Variants in RAB11FIP5 observed in about 807,000 individuals in gnomAD.
RAB11FIP5 encodes the protein rab11 family-interacting protein 5.
A neutral mutation model predicts 85.1 loss-of-function variants in RAB11FIP5; 48 were observed. The ratio of observed to expected loss-of-function variants is 0.56; its 90% CI spans 0.45 to 0.72. RAB11FIP5 has a LOEUF of 0.72. Ranked by LOEUF, RAB11FIP5 falls within the 30% of genes least tolerant of loss-of-function variation. RAB11FIP5 has a pLI of 0.00. For missense variants in RAB11FIP5, 1,491 were observed against 1,687.0 expected (o/e 0.88, Z 2.04); for synonymous variants, 729 against 727.3 (o/e 1.00, Z -0.04).
chr2:73,076,413 C>T (rs1007080439), intron 4 of RAB11FIP5, among the ~76,000 whole-genome samples: 21 of 152,156 alleles, frequency 1.4e-4, no homozygotes, highest in Non-Finnish European at 2.5e-4. Flanking sequence ...CCATTTCACT[C>T]CCTCATTCAC....
At position 73,075,401 on chromosome 2, in the gene RAB11FIP5, G is replaced by A; in HGVS notation, c.*120C>T. On this transcript the variant is annotated 3_prime_UTR_variant, in exon 6 of 6. Coordinates refer to ENST00000486777, the MANE Select transcript of RAB11FIP5 (RefSeq NM_001371272.1). The surrounding 1 kb of genome is among the most constrained non-coding windows in gnomAD (Gnocchi z 4.6). ...AGCCCCAGTTGAGGCAGGAGGGAGA[G>A]GAGCAAGGAGTGACAAGGCAAGACA... The A allele has an allele frequency of 9.6e-7, 1 of 1,041,272 alleles. No individual in the cohort carries two copies. The highest frequency in any genetic ancestry group is 1.5e-6 in the Non-Finnish European group (1 of 665,596). The allele number at this position is 1,041,272 out of a possible 1,614,324, so 64.5% of individuals were successfully genotyped here.
chr2:73,085,674 A>T (rs1206279597), intron 3 of RAB11FIP5, among the ~76,000 whole-genome samples: 1 of 152,146 alleles, frequency 6.6e-6, no homozygotes, highest in Non-Finnish European at 1.5e-5. Context: ...ACATCAGAGG[A>T]ACAGCAGGAC....
intron 1 of RAB11FIP5, among the ~76,000 whole-genome samples, chr2:73,100,033 T>G (rs1452862839): frequency 1.3e-5 from 2 of 152,186 alleles, no homozygotes; most frequent in Non-Finnish European, 2.9e-5. Flanking sequence ...TGGGAGAGTC[T>G]TCTAAAAGCG....
Position 73,075,733 on chromosome 2 carries a change from G to T in RAB11FIP5, c.3772-9C>A. 6.3e-7 allele frequency: 1 copy of T among 1,587,476 alleles called. No homozygotes were observed. Among genetic ancestry groups the T allele is most frequent in the Non-Finnish European group, 8.6e-7 (1 of 1,165,296 alleles). On this transcript the variant is annotated splice_polypyrimidine_tract_variant and intron_variant, in intron 5 of 5. Coordinates refer to ENST00000486777, the MANE Select transcript of RAB11FIP5 (RefSeq NM_001371272.1). This position sits in a 1 kb window ranked among gnomAD's most constrained non-coding sequence, Gnocchi z 4.6. ...TCCAGCACAGCTGAGTCCTGAGGCCGGACCGAAGACAGTGAGCAGGGCAGC... is the reference window on the plus strand; with the variant it reads ...TCCAGCACAGCTGAGTCCTGAGGCCTGACCGAAGACAGTGAGCAGGGCAGC...
At chr2:73,092,922 C>T (rs954591699) in intron 1 of RAB11FIP5, among the ~76,000 whole-genome samples, 3 of 152,160 alleles carry the variant, frequency 2.0e-5, no homozygotes, top group Admixed American at 2.0e-4. Context: ...CCTGGGCACC[C>T]CAGGGACTCA....
At chr2:73,107,222 G>A (rs916030611) in intron 1 of RAB11FIP5, among the ~76,000 whole-genome samples, 2 of 152,230 alleles carry the variant, frequency 1.3e-5, no homozygotes, top group African/African-American at 2.4e-5. Context: ...GCAAAGGAAA[G>A]AAAAAGAGGA....
At position 73,088,175 on chromosome 2, in the gene RAB11FIP5, G is replaced by C. The variant is rs773343987; in HGVS notation, c.1443C>G (p.Ser481Arg). 6 of 1,614,018 alleles carry C rather than the reference G, an allele frequency of 3.7e-6. No individual in the cohort carries two copies. The highest frequency in any genetic ancestry group is 4.2e-6 in the Non-Finnish European group (5 of 1,180,016). ...GLSRSELGRR[S>R]SLGEKGGPIL... ...TGGGACCCCCCTTTTCCCCCAGAGAGCTTCGGCGACCCAACTCGCTCCGAC... is the reference window on the plus strand; with the variant it reads ...TGGGACCCCCCTTTTCCCCCAGAGACCTTCGGCGACCCAACTCGCTCCGAC... The change falls in exon 3 of 6, where the codon AGC becomes AGG. Residue 481 changes from serine (S) to arginine (R), a missense_variant. Around this residue, in one of 3 missense-constraint regions of RAB11FIP5, gnomAD observed 1,211 missense variants for 1,338.0 expected, o/e 0.91. Transcript: ENST00000486777.
rs141828110 is a variant in RAB11FIP5 at position 73,074,910 on chromosome 2, G to A, written c.*611C>T. On this transcript the variant is annotated 3_prime_UTR_variant, in exon 6 of 6. Transcript: ENST00000486777. The stretch of plus-strand genomic sequence containing the variant: ...ATCCACCACTGTCCACATGGCACTC[G>A]CCCCACAAACAGCTCCAGACTGAAG... The A allele has an allele frequency of 6.2e-4, 198 of 318,574 alleles. No homozygotes were observed. The highest frequency in any genetic ancestry group is 3.9e-3 in the African/African-American group (181 of 46,522). 19.7% of individuals were successfully genotyped at this position (318,574 alleles called of 1,614,324 possible). A position where few individuals can be genotyped will look rare whatever the true frequency, so the allele number is the denominator to read the frequency against.
rs1237761341 is a variant in RAB11FIP5, at chr2:73,088,470, G to A, written c.1148C>T (p.Thr383Ile). The A allele has an allele frequency of 6.2e-7, 1 of 1,613,970 alleles. No individual in the cohort carries two copies. Residue 383 changes from threonine (T) to isoleucine (I), a missense_variant, in exon 3 of 6, where the codon ACA becomes ATA. Physicochemically the swap from Thr to Ile is moderately conservative, Grantham distance 89. This residue lies in a region of RAB11FIP5 where 1,211 missense variants were observed against 1,338.0 expected (regional missense o/e 0.91). Coordinates refer to ENST00000486777, the MANE Select transcript of RAB11FIP5 (RefSeq NM_001371272.1). ...SRFSEEGPRS[T>I]DDTWPRGSRS... Reference sequence around the variant, plus strand: ...ACTGCCTCTGGGCCAGGTGTCATCTGTGGAACGAGGCCCCTCCTCGGAGAA... The same window carrying A: ...ACTGCCTCTGGGCCAGGTGTCATCTATGGAACGAGGCCCCTCCTCGGAGAA...
rs948396933 is a variant in RAB11FIP5, at chr2:73,075,512, T to G, written c.*9A>C. ...CATGCCAACCCTCCTGGGGGTAGGG[T>G]GAGGAAGGCTATTTGGGGGGGCCCG... On this transcript the variant is annotated 3_prime_UTR_variant, in exon 6 of 6. Transcript: ENST00000486777. This position sits in a 1 kb window ranked among gnomAD's most constrained non-coding sequence, Gnocchi z 4.6. The G allele has an allele frequency of 6.2e-7, 1 of 1,612,726 alleles. No individual in the cohort carries two copies.
At chr2:73,076,772 T>C (rs1683871508) in intron 4 of RAB11FIP5, among the ~76,000 whole-genome samples, 1 of 152,182 alleles carries the variant, frequency 6.6e-6, no homozygotes, top group Admixed American at 6.5e-5. Flanking sequence ...CACCTTCCCC[T>C]TTCTTCTCAC....
At position 73,075,378 on chromosome 2, in the gene RAB11FIP5, C is replaced by T. The variant is rs1259946790; in HGVS notation, c.*143G>A. 1 of 873,162 alleles carries T rather than the reference C, an allele frequency of 1.1e-6. No individual in the cohort carries two copies. The highest frequency in any genetic ancestry group is 1.9e-6 in the Non-Finnish European group (1 of 523,686). The allele number at this position is 873,162 out of a possible 1,614,324, so 54.1% of individuals were successfully genotyped here. A position where few individuals can be genotyped will look rare whatever the true frequency, so the allele number is the denominator to read the frequency against. On this transcript the variant is annotated 3_prime_UTR_variant, in exon 6 of 6. Transcript: ENST00000486777. The surrounding 1 kb of genome is among the most constrained non-coding windows in gnomAD (Gnocchi z 4.6). ...AATCCAGAGGGCCCCCTTCCAGCAG[C>T]CCCAGTTGAGGCAGGAGGGAGAGGA... is the stretch of plus-strand genomic sequence containing the variant.
Position 73,079,790 on chromosome 2 carries a change from G to C in RAB11FIP5, c.3442C>G (p.Pro1148Ala). The stretch of plus-strand genomic sequence containing the variant: ...GGTGGGGAGGGCTCATGGGGGCCAG[G>C]GAGTAAGGCTGGCTCCCCTGGTGGT... ...SAPPGEPALL[P>A]GPHEPSPPGG... The change falls in exon 4 of 6, where the codon CCT becomes GCT. Residue 1148 changes from proline to alanine, a missense_variant. By Grantham distance (27) the Pro-to-Ala change is conservative (BLOSUM62 -1). This residue lies in a region of RAB11FIP5 where 232 missense variants were observed against 259.1 expected (regional missense o/e 0.90). Transcript: ENST00000486777. 1 of 1,232,406 alleles carries C rather than the reference G, an allele frequency of 8.1e-7. No individual in the cohort carries two copies. The allele number at this position is 1,232,406 out of a possible 1,614,324, so 76.3% of individuals were successfully genotyped here.
rs1473403819 is a variant in RAB11FIP5 at position 73,078,173 on chromosome 2, G to A, written c.3581+1478C>T. 1.3e-5 allele frequency among the ~76,000 whole-genome samples: 2 copies of A among 152,232 alleles called. No homozygotes were observed. The highest frequency in any genetic ancestry group is 4.8e-5 in the African/African-American group (2 of 41,454). Reference sequence around the variant, plus strand: ...GGAGGATGACCAGTGTAGTATAAAAGTGCCTTGAATGAGGGGCCAGGAGGC... The same window carrying A: ...GGAGGATGACCAGTGTAGTATAAAAATGCCTTGAATGAGGGGCCAGGAGGC... On this transcript the variant is annotated intron_variant, in intron 4 of 5. Coordinates refer to ENST00000486777, the MANE Select transcript of RAB11FIP5 (RefSeq NM_001371272.1). This position sits in a 1 kb window ranked among gnomAD's most constrained non-coding sequence, Gnocchi z 4.4.
At chr2:73,107,730 C>A (rs1684558610) in intron 1 of RAB11FIP5, among the ~76,000 whole-genome samples, 1 of 152,216 alleles carries the variant, frequency 6.6e-6, no homozygotes, top group Non-Finnish European at 1.5e-5. Context: ...ATACCAACGA[C>A]TGGCTTCTGA....
chr2:73,083,067 T>A (rs369683660), intron 3 of RAB11FIP5, among the ~76,000 whole-genome samples: 2 of 152,224 alleles, frequency 1.3e-5, no homozygotes, highest in East Asian at 1.9e-4. Flanking sequence ...CCCCTACACA[T>A]CCGACTTTTC....
rs1254483802 is a variant in RAB11FIP5, at chr2:73,089,768, G to C, written c.432-453C>G. On this transcript the variant is annotated intron_variant, in intron 1 of 5. Transcript: ENST00000486777. This position sits in a 1 kb window ranked among gnomAD's most constrained non-coding sequence, Gnocchi z 4.6. ...CTCCCTGTTGACATCATCTCCTCTGGCCAGTCCCAGCCAAAGCTCTGCTCC... is the reference window on the plus strand; with the variant it reads ...CTCCCTGTTGACATCATCTCCTCTGCCCAGTCCCAGCCAAAGCTCTGCTCC... 1.8e-5 allele frequency: 5 copies of C among 275,476 alleles called. No homozygotes were observed. The highest frequency in any genetic ancestry group is 2.9e-5 in the Non-Finnish European group (4 of 139,830). The allele number at this position is 275,476 out of a possible 1,614,324, so 17.1% of individuals were successfully genotyped here. A position where few individuals can be genotyped will look rare whatever the true frequency, so the allele number is the denominator to read the frequency against.
At position 73,088,553 on chromosome 2, in the gene RAB11FIP5, G is replaced by C; in HGVS notation, c.1065C>G (p.Arg355=). The C allele has an allele frequency of 6.2e-7, 1 of 1,613,912 alleles. No homozygotes were observed. Among genetic ancestry groups the C allele is most frequent in the Non-Finnish European group, 8.5e-7 (1 of 1,180,056 alleles). ...ATGGAAGCGAGCCCGAGATGGAGCT[G>C]CGGTGCCGCACAGGGCCCTGGGGCT... ...NEEPQGPVRH[R]SSISGSLPSS... is the part of the protein sequence containing the mutation. The change falls in exon 3 of 6, where the codon CGC becomes CGG. Residue 355 remains arginine, a synonymous_variant. Transcript: ENST00000486777.
intron 1 of RAB11FIP5, among the ~76,000 whole-genome samples, chr2:73,094,490 TAC>T (rs1684280942): frequency 1.3e-5 from 2 of 152,178 alleles, no homozygotes; most frequent in South Asian, 4.1e-4. Context: ...AGGATTTATA[TAC>T]AGATATAAAT....
Sources: allele counts gnomAD v4.1 joint callset (sites outside exome capture counted in the v4.1 genomes callset), GRCh38; gene constraint gnomAD v4.1.1; regional missense constraint gnomAD v4.1.1; non-coding constraint Gnocchi (gnomAD v3.1); transcripts MANE v1.5; gene names NCBI Gene and HGNC (gene_info 2026-07-23, HGNC 2026-07-21).